SLC22A23: variants seen among roughly 807,000 people sequenced by gnomAD.
SLC22A23 encodes solute carrier family 22 member 23.
Under a neutral mutation model 61.0 loss-of-function variants are expected in SLC22A23, and 26 were observed. That is an observed-to-expected ratio of 0.43 (90% confidence interval 0.31 to 0.59). The LOEUF (loss-of-function observed/expected upper bound fraction) is 0.59. Ranked by LOEUF, SLC22A23 falls within the 20% of genes least tolerant of loss-of-function variation. The probability of loss-of-function intolerance (pLI) is 0.11; values close to 1 mark genes in which losing one functional copy is unlikely to be tolerated. For synonymous variants in SLC22A23, 430 were observed against 413.9 expected, an observed-to-expected ratio of 1.04 and a Z score of -0.47; for missense variants, 796 against 934.7, an observed-to-expected ratio of 0.85 and a Z score of 1.94.
chr6:3,452,610 A>T (rs1442730375), intron 1 of SLC22A23, among the ~76,000 whole-genome samples: 1 of 16,436 alleles, frequency 6.1e-5, no homozygotes, highest in African/African-American at 2.4e-4. Context: ...AAAAAAAAAA[A>T]AAAAAAAAAA....
At chr6:3,341,485 C>G (rs1764150785) in intron 3 of SLC22A23, among the ~76,000 whole-genome samples, 1 of 152,106 alleles carries the variant, frequency 6.6e-6, no homozygotes, top group South Asian at 2.1e-4. Context: ...TCTTCCAACT[C>G]CTTGGGTCCA....
intron 1 of SLC22A23, among the ~76,000 whole-genome samples, chr6:3,445,480 A>G (rs565610232): frequency 1.3e-5 from 2 of 152,332 alleles, no homozygotes; most frequent in Admixed American, 1.3e-4. Flanking sequence ...GATTACAGGC[A>G]TGAGCCACTG....
intron 3 of SLC22A23, among the ~76,000 whole-genome samples, chr6:3,332,291 C>T (rs188945486): frequency 2.6e-5 from 4 of 152,188 alleles, no homozygotes; most frequent in African/African-American, 7.2e-5. Context: ...AGGGGCTGGG[C>T]GTATGGTAAA....
intron 1 of SLC22A23, among the ~76,000 whole-genome samples, chr6:3,452,380 G>A (rs1395716329): frequency 1.3e-5 from 2 of 152,042 alleles, no homozygotes; most frequent in East Asian, 3.9e-4. Context: ...ACAGCTTGAG[G>A]CCAGGAGTTC....
intron 4 of SLC22A23, among the ~76,000 whole-genome samples, chr6:3,321,701 C>T (rs999864268): frequency 1.3e-5 from 2 of 152,070 alleles, no homozygotes; most frequent in South Asian, 2.1e-4. Flanking sequence ...CTGCCTGGGA[C>T]AGGTGGGTGC....
chr6:3,441,631 C>T (rs1318668059), intron 1 of SLC22A23, among the ~76,000 whole-genome samples: 4 of 152,200 alleles, frequency 2.6e-5, no homozygotes, highest in Non-Finnish European at 5.9e-5. Context: ...CCTCTGCGCC[C>T]CTGCACCTTG....
At chr6:3,336,263 C>T (rs549088321) in intron 3 of SLC22A23, among the ~76,000 whole-genome samples, 1 of 152,282 alleles carries the variant, frequency 6.6e-6, no homozygotes, top group Admixed American at 6.5e-5. Flanking sequence ...ACTTGGGTGG[C>T]GGGAAGGAGG....
chr6:3,288,495 G>A (rs1171623887), intron 6 of SLC22A23, among the ~76,000 whole-genome samples: 1 of 152,196 alleles, frequency 6.6e-6, no homozygotes. Context: ...AGCCTCCAGA[G>A]TTCCTCTTCT....
At chr6:3,345,319 A>C (rs1329593309) in intron 3 of SLC22A23, among the ~76,000 whole-genome samples, 1 of 150,930 alleles carries the variant, frequency 6.6e-6, no homozygotes, top group East Asian at 1.9e-4. Context: ...GAAAGCACTC[A>C]CTTTTAAGTT....
At chr6:3,423,340 T>G (rs1011566253) in intron 1 of SLC22A23, among the ~76,000 whole-genome samples, 2 of 152,230 alleles carry the variant, frequency 1.3e-5, no homozygotes, top group Non-Finnish European at 2.9e-5. Flanking sequence ...GGGAGGTACA[T>G]CTTTCTCAGC....
intron 3 of SLC22A23, among the ~76,000 whole-genome samples, chr6:3,339,652 T>A (rs1764045487): frequency 6.6e-6 from 1 of 152,154 alleles, no homozygotes; most frequent in Non-Finnish European, 1.5e-5. Context: ...AAGAGTGACC[T>A]CTGGTCGTCC....
At chr6:3,405,427 C>T (rs1020246017) in intron 3 of SLC22A23, among the ~76,000 whole-genome samples, 4 of 152,068 alleles carry the variant, frequency 2.6e-5, no homozygotes, top group African/African-American at 7.2e-5. Flanking sequence ...ATGGGGAAAC[C>T]GGGTGGAGAC....
rs889755881 is a variant in SLC22A23 at position 3,309,256 on chromosome 6, G to A, written c.1083-11038C>T. Among the ~76,000 whole-genome samples the A allele has an allele frequency of 4.0e-5, 6 of 151,282 alleles. No individual in the cohort carries two copies. Among genetic ancestry groups the A allele is most frequent in the African/African-American group, 1.2e-4 (5 of 41,190 alleles). ...GTTTGCAGTGGACCAAGGTCGTGCC[G>A]CTGCACTCTAGCCTGGGCAACAGAG... is the stretch of plus-strand genomic sequence containing the variant. On this transcript the variant is annotated intron_variant, in intron 4 of 9. Transcript: ENST00000406686. The surrounding 1 kb of genome is among the most constrained non-coding windows in gnomAD (Gnocchi z 4.7).
At chr6:3,394,175 G>A (rs1277788189) in intron 3 of SLC22A23, among the ~76,000 whole-genome samples, 1 of 152,100 alleles carries the variant, frequency 6.6e-6, no homozygotes, top group African/African-American at 2.4e-5. Context: ...GAGGGATCGG[G>A]CACTGTAATA....
At chr6:3,292,198 A>T (rs760535472) in intron 5 of SLC22A23, among the ~76,000 whole-genome samples, 1 of 152,176 alleles carries the variant, frequency 6.6e-6, no homozygotes, top group Non-Finnish European at 1.5e-5. Context: ...GCAGCATTAT[A>T]TCTGTTCTTC....
chr6:3,404,357 G>A (rs189812469), intron 3 of SLC22A23, among the ~76,000 whole-genome samples: 5 of 152,292 alleles, frequency 3.3e-5, no homozygotes, highest in South Asian at 2.1e-4. Flanking sequence ...GCCACTGGCC[G>A]CTTATTCTTT....
At chr6:3,392,835 A>T (rs1195368211) in intron 3 of SLC22A23, among the ~76,000 whole-genome samples, 1 of 152,212 alleles carries the variant, frequency 6.6e-6, no homozygotes, top group African/African-American at 2.4e-5. Context: ...TGGAACATCC[A>T]CAAGGCAGTA....
At chr6:3,299,399 G>T (rs1761415334) in intron 4 of SLC22A23, among the ~76,000 whole-genome samples, 1 of 152,164 alleles carries the variant, frequency 6.6e-6, no homozygotes, top group South Asian at 2.1e-4. Context: ...CTGTCCCGGG[G>T]TTTCCTTCAG....
intron 2 of SLC22A23, among the ~76,000 whole-genome samples, chr6:3,412,005 T>C (rs1301235173): frequency 1.3e-5 from 2 of 152,198 alleles, no homozygotes; most frequent in African/African-American, 4.8e-5. Context: ...ACCCTTGACT[T>C]TCCTGGTCTG....
Sources: gnomAD v4.1 joint callset for allele counts (sites outside exome capture counted in the v4.1 genomes callset) on GRCh38, gnomAD v4.1.1 for gene constraint, Gnocchi (gnomAD v3.1) non-coding constraint, MANE v1.5 for transcripts, NCBI Gene and HGNC (gene_info 2026-07-23, HGNC 2026-07-21) for gene names.